Variants in ZNF608 observed in about 807,000 individuals in gnomAD.
The protein encoded by ZNF608 is renal carcinoma antigen NY-REN-36.
Under a neutral mutation model 109.0 loss-of-function variants are expected in ZNF608, and 12 were observed. That is an observed-to-expected ratio of 0.11 (90% CI 0.07 to 0.18). ZNF608 has a LOEUF of 0.18. ZNF608 is among the 10% of genes least tolerant of loss of function. The pLI, the probability that ZNF608 is intolerant of heterozygous loss-of-function variation, is 1.00. For missense variants in ZNF608, 1,707 were observed against 1,879.3 expected (o/e 0.91, Z 1.70); for synonymous variants, 732 against 717.4 (o/e 1.02, Z -0.33).
At chr5:124,674,954 G>A (rs921166816) in intron 3 of ZNF608, among the ~76,000 whole-genome samples, 3 of 152,006 alleles carry the variant, frequency 2.0e-5, no homozygotes, top group African/African-American at 7.2e-5. Flanking sequence ...AGAAGAATGG[G>A]CCTAATCGAT....
intron 3 of ZNF608, among the ~76,000 whole-genome samples, chr5:124,651,807 C>A (rs963995852): frequency 3.3e-5 from 5 of 152,236 alleles, no homozygotes; most frequent in Admixed American, 1.3e-4. Context: ...ACAGAGGCAG[C>A]GGTCGGGTAG....
intron 3 of ZNF608, 119 bp downstream of exon 3, chr5:124,700,895 A>T: frequency 7.3e-7 from 1 of 1,373,710 alleles, no homozygotes. Flanking sequence ...GAGAGCGGAA[A>T]TAAAAAACAC....
At chr5:124,663,238 C>T (rs1751348041) in intron 3 of ZNF608, among the ~76,000 whole-genome samples, 1 of 152,190 alleles carries the variant, frequency 6.6e-6, no homozygotes, top group Admixed American at 6.5e-5. Flanking sequence ...AAAGGCTTTC[C>T]GGTTTTCTTT....
At position 124,746,251 on chromosome 5, in the gene ZNF608, T is replaced by G. The variant is rs112964707; in HGVS notation, c.-240A>C. 196 of 985,390 alleles carry G rather than the reference T, an allele frequency of 2.0e-4. No homozygotes were observed. Among genetic ancestry groups the G allele is most frequent in the African/African-American group, 1.0e-3 (60 of 57,324 alleles). 61.0% of individuals were successfully genotyped at this position (985,390 alleles called of 1,614,324 possible). ...CAGCAAATCAAAATGCCTTTCCCAC[T>G]CCACTCGGCAAACAAGCCTGTGCCT... On this transcript the variant is annotated 5_prime_UTR_variant, in exon 1 of 10. Coordinates refer to ENST00000513986, the MANE Select transcript of ZNF608 (RefSeq NM_020747.3).
At chr5:124,747,675 T>C (rs1281805384), upstream of ZNF608, among the ~76,000 whole-genome samples, 1 of 148,572 alleles carries the variant, frequency 6.7e-6, no homozygotes, top group African/African-American at 2.5e-5. Flanking sequence ...AAGTTATGAA[T>C]GTGAAACATT....
At chr5:124,683,014 G>GTGTC (rs962057374) in intron 3 of ZNF608, among the ~76,000 whole-genome samples, 5 of 148,958 alleles carry the variant, frequency 3.4e-5, no homozygotes, top group African/African-American at 1.2e-4. Flanking sequence ...TGGGTGCTCT[G>GTGTC]TCTCTCTCTC....
rs1297513302 is a variant in ZNF608 at position 124,647,898 on chromosome 5, C to T, written c.2486G>A (p.Ser829Asn). ...LKDKEGKETG[S>N]PKMDAKLGKL... ...CCCCAGCTTGGCATCCATTTTTGGG[C>T]TTCCCGTCTCTTTCCCTTCTTTGTC... Residue 829 changes from serine to asparagine, a missense_variant, in exon 5 of 10, where the codon AGC becomes AAC. Coordinates refer to ENST00000513986, the MANE Select transcript of ZNF608 (RefSeq NM_020747.3). 1 of 1,614,164 alleles carries T rather than the reference C, an allele frequency of 6.2e-7. No individual in the cohort carries two copies. The highest frequency in any genetic ancestry group is 8.5e-7 in the Non-Finnish European group (1 of 1,179,988).
At chr5:124,674,961 C>T (rs752711637) in intron 3 of ZNF608, among the ~76,000 whole-genome samples, 2 of 152,058 alleles carry the variant, frequency 1.3e-5, no homozygotes, top group African/African-American at 4.8e-5. Flanking sequence ...TGGGCCTAAT[C>T]GATTCTAAGG....
intron 2 of ZNF608, among the ~76,000 whole-genome samples, chr5:124,725,885 G>A (rs1216698946): frequency 6.6e-6 from 1 of 152,060 alleles, no homozygotes; most frequent in Non-Finnish European, 1.5e-5. Context: ...GGCTGTGAGA[G>A]TTCTCCACTT....
chr5:124,729,844 T>G (rs947325822), intron 2 of ZNF608, among the ~76,000 whole-genome samples: 2 of 152,188 alleles, frequency 1.3e-5, no homozygotes, highest in Non-Finnish European at 2.9e-5. Context: ...GTCACAGATT[T>G]TGTGGGTAAG....
At chr5:124,700,329 T>C (rs971402767) in intron 3 of ZNF608, among the ~76,000 whole-genome samples, 1 of 152,274 alleles carries the variant, frequency 6.6e-6, no homozygotes, top group Admixed American at 6.5e-5. Context: ...ACTATCAGCA[T>C]GGCATATGCT....
chr5:124,747,743 G>A (rs76729647), upstream of ZNF608, among the ~76,000 whole-genome samples: 8,896 of 152,088 alleles, frequency 0.058, 339 homozygotes, highest in East Asian at 0.092. Flanking sequence ...GAGCACAAGA[G>A]CAAAGCAGAT....
intron 2 of ZNF608, among the ~76,000 whole-genome samples, chr5:124,740,353 G>A (rs1041173061): frequency 1.3e-5 from 2 of 152,112 alleles, no homozygotes; most frequent in African/African-American, 4.8e-5. Context: ...AGTTACCAAC[G>A]TCTTTAACAG....
intron 2 of ZNF608, among the ~76,000 whole-genome samples, chr5:124,729,760 G>T (rs182716195): frequency 4.1e-4 from 62 of 152,170 alleles, no homozygotes; most frequent in Non-Finnish European, 7.4e-4. Context: ...CCCCCAAAGG[G>T]TACTTTGAAA....
At chr5:124,660,141 G>A (rs1426394396) in intron 3 of ZNF608, among the ~76,000 whole-genome samples, 2 of 151,942 alleles carry the variant, frequency 1.3e-5, no homozygotes, top group African/African-American at 4.8e-5. Context: ...TACAACAGCA[G>A]CCGAAAACAG....
intron 3 of ZNF608, among the ~76,000 whole-genome samples, chr5:124,698,528 C>T (rs1752933610): frequency 6.6e-6 from 1 of 152,198 alleles, no homozygotes; most frequent in Non-Finnish European, 1.5e-5. Context: ...GCCTGAAAAC[C>T]TTCTAAAGCT....
chr5:124,674,169 G>A (rs923503435), intron 3 of ZNF608, among the ~76,000 whole-genome samples: 3 of 152,144 alleles, frequency 2.0e-5, no homozygotes, highest in Non-Finnish European at 4.4e-5. Context: ...CTGCATTTTA[G>A]CAAGCACTAC....
chr5:124,746,521 CAGAG>C lies in ZNF608; in HGVS notation c.-514_-511del, dbSNP rs1465051513. The C allele has an allele frequency of 1.0e-6, 1 of 984,972 alleles. No individual in the cohort carries two copies. The highest frequency in any genetic ancestry group is 1.8e-5 in the African/African-American group (1 of 57,138). 61.0% of individuals were successfully genotyped at this position (984,972 alleles called of 1,614,324 possible). On this transcript the variant is annotated 5_prime_UTR_variant, in exon 1 of 10. Coordinates refer to ENST00000513986, the MANE Select transcript of ZNF608 (RefSeq NM_020747.3). ...TCGAGAATAATAGTTTTTTAAAAAA[CAGAG>C]AGTTTAGAGAAAAAAGTTTTCCCAA...
intron 2 of ZNF608, among the ~76,000 whole-genome samples, chr5:124,721,506 C>G (rs911769462): frequency 6.6e-6 from 1 of 151,966 alleles, no homozygotes; most frequent in Non-Finnish European, 1.5e-5. Flanking sequence ...TGTAGATAAA[C>G]GACATGTGTT....
Sources: gnomAD v4.1 joint callset for allele counts (sites outside exome capture counted in the v4.1 genomes callset) on GRCh38, gnomAD v4.1.1 for gene constraint, MANE v1.5 for transcripts, NCBI Gene and HGNC (gene_info 2026-07-23, HGNC 2026-07-21) for gene names.